Variants in IGF1R observed in about 807,000 individuals in gnomAD.
IGF1R encodes the protein insulin-like growth factor 1 receptor.
In IGF1R, 44 loss-of-function variants were observed where a neutral mutation model predicts 144.6. The observed-to-expected ratio is 0.30, with a 90% CI of 0.24 to 0.39. The LOEUF is 0.39. Ranked by LOEUF, IGF1R falls within the 10% of genes least tolerant of loss-of-function variation. The probability of loss-of-function intolerance (pLI) is 1.00; values close to 1 mark genes in which losing one functional copy is unlikely to be tolerated. For synonymous variants in IGF1R, 795 were observed against 722.8 expected, an observed-to-expected ratio of 1.10 and a Z score of -1.60; for missense variants, 1,355 against 1,833.7, an observed-to-expected ratio of 0.74 and a Z score of 4.77.
chr15:98,933,975 G>A (rs1047331117), intron 15 of IGF1R, among the ~76,000 whole-genome samples: 2 of 152,086 alleles, frequency 1.3e-5, no homozygotes, highest in Non-Finnish European at 2.9e-5. Flanking sequence ...TCTAGTAGCC[G>A]TATTTTTTAA....
At chr15:98,653,619 T>C (rs2052420482) in intron 1 of IGF1R, among the ~76,000 whole-genome samples, 1 of 152,172 alleles carries the variant, frequency 6.6e-6, no homozygotes, top group Non-Finnish European at 1.5e-5. Flanking sequence ...GAACGAAAGG[T>C]TTTAAAATGT....
At chr15:98,695,127 A>G (rs779597571) in intron 1 of IGF1R, among the ~76,000 whole-genome samples, 4 of 152,204 alleles carry the variant, frequency 2.6e-5, no homozygotes, top group Admixed American at 6.5e-5. Context: ...ATTCTGCAGT[A>G]TAGTTAACTC....
intron 1 of IGF1R, among the ~76,000 whole-genome samples, chr15:98,653,693 G>A (rs765706247): frequency 6.6e-6 from 1 of 152,198 alleles, no homozygotes; most frequent in Non-Finnish European, 1.5e-5. Context: ...CCTTTCAATA[G>A]GAAAAGACCT....
intron 2 of IGF1R, among the ~76,000 whole-genome samples, chr15:98,760,107 C>T (rs775163124): frequency 4.0e-5 from 6 of 151,718 alleles, no homozygotes; most frequent in South Asian, 2.1e-4. Flanking sequence ...TGGGAGGCCA[C>T]GGTGAGTGGA....
rs768572594 is a variant in IGF1R, at chr15:98,713,476, G to A, written c.640+5369G>A. 1.1e-3 allele frequency among the ~76,000 whole-genome samples: 167 copies of A among 152,278 alleles called. 1 individual carries two copies. Among genetic ancestry groups the A allele is most frequent in the Middle Eastern group, 3.4e-3 (1 of 294 alleles). On this transcript the variant is annotated intron_variant, in intron 2 of 20. Coordinates refer to ENST00000650285, the MANE Select transcript of IGF1R (RefSeq NM_000875.5). ...TCTGCAACTCTTAGTTGGCAGAGAG[G>A]ACCACTATGGCGGGTAGCTCTTTTC...
chr15:98,904,924 G>T (rs911554193), intron 5 of IGF1R, among the ~76,000 whole-genome samples: 2 of 152,156 alleles, frequency 1.3e-5, no homozygotes, highest in African/African-American at 4.8e-5. Context: ...CTTTTGTGGG[G>T]TGATTAAAAG....
chr15:98,914,621 A>T (rs1445614982), intron 8 of IGF1R, among the ~76,000 whole-genome samples: 3 of 152,084 alleles, frequency 2.0e-5, no homozygotes, highest in African/African-American at 7.2e-5. Context: ...TTTGGAAGTA[A>T]CCCCTGGCCA....
In IGF1R at chr15:98,806,492, A is replaced by G. The variant is rs765288393; in HGVS notation, c.641-84833A>G. 7.2e-5 allele frequency among the ~76,000 whole-genome samples: 11 copies of G among 152,296 alleles called. No individual in the cohort carries two copies. The Middle Eastern group carries it at 0.017, about 235-fold the overall frequency. ...CCTTTTCAACTATTTCTTGATTAAAAAAAAAAAACAAAAAACTGTTGAATA... is the reference window on the plus strand; with the variant it reads ...CCTTTTCAACTATTTCTTGATTAAAGAAAAAAAACAAAAAACTGTTGAATA... On this transcript the variant is annotated intron_variant, in intron 2 of 20. Coordinates refer to ENST00000650285, the MANE Select transcript of IGF1R (RefSeq NM_000875.5).
At chr15:98,816,166 C>G (rs753232996) in intron 2 of IGF1R, among the ~76,000 whole-genome samples, 15 of 152,160 alleles carry the variant, frequency 9.9e-5, no homozygotes, top group Non-Finnish European at 1.3e-4. Context: ...TCACAGTGGC[C>G]CTAATCATGG....
chr15:98,808,947 A>G (rs1344726324), intron 2 of IGF1R, among the ~76,000 whole-genome samples: 2 of 152,178 alleles, frequency 1.3e-5, no homozygotes, highest in Non-Finnish European at 2.9e-5. Context: ...TCAGCCTCCC[A>G]AAGTGCTGGG....
chr15:98,722,136 G>A (rs924664749), intron 2 of IGF1R, among the ~76,000 whole-genome samples: 1 of 152,168 alleles, frequency 6.6e-6, no homozygotes, highest in South Asian at 2.1e-4. Flanking sequence ...TCTCATGCTA[G>A]GCAGTATGAG....
intron 5 of IGF1R, among the ~76,000 whole-genome samples, chr15:98,904,958 G>A (rs902900390): frequency 6.6e-6 from 1 of 152,168 alleles, no homozygotes; most frequent in African/African-American, 2.4e-5. Context: ...TTTATGTTTA[G>A]CCCATCCAAT....
At chr15:98,658,500 T>C (rs751866347) in intron 1 of IGF1R, among the ~76,000 whole-genome samples, 61 of 152,206 alleles carry the variant, frequency 4.0e-4, no homozygotes, top group Non-Finnish European at 8.1e-4. Context: ...AGAAAAATTG[T>C]GAGGAAATAG....
intron 2 of IGF1R, among the ~76,000 whole-genome samples, chr15:98,773,338 C>T (rs551376670): frequency 1.3e-5 from 2 of 152,182 alleles, no homozygotes; most frequent in Admixed American, 6.5e-5. Flanking sequence ...CAAAAACTCC[C>T]GTAATTAATG....
chr15:98,669,954 C>A (rs962674513), intron 1 of IGF1R, among the ~76,000 whole-genome samples: 1 of 152,118 alleles, frequency 6.6e-6, no homozygotes. Flanking sequence ...ACTGGTGTTG[C>A]TTTTACTCTA....
At chr15:98,943,944 G>A (rs2016458679) in intron 19 of IGF1R, among the ~76,000 whole-genome samples, 1 of 152,136 alleles carries the variant, frequency 6.6e-6, no homozygotes, top group Non-Finnish European at 1.5e-5. Context: ...TTTGAAGACA[G>A]GTGCAAATTG....
At chr15:98,771,390 G>C (rs1427951842) in intron 2 of IGF1R, among the ~76,000 whole-genome samples, 1 of 152,084 alleles carries the variant, frequency 6.6e-6, no homozygotes, top group African/African-American at 2.4e-5. Flanking sequence ...CTTCCTCACT[G>C]CCGTTTCATA....
intron 19 of IGF1R, 126 bp downstream of exon 19, chr15:98,943,178 G>A (rs2016429090): frequency 9.3e-7 from 1 of 1,075,686 alleles, no homozygotes. Flanking sequence ...GCTCAGTGTT[G>A]TGTGAGCCAC....
At chr15:98,901,726 C>A (rs1215939883) in intron 5 of IGF1R, among the ~76,000 whole-genome samples, 1 of 152,144 alleles carries the variant, frequency 6.6e-6, no homozygotes, top group Non-Finnish European at 1.5e-5. Flanking sequence ...GAGCCAGATA[C>A]CTGAGAAGAT....
Sources: allele counts gnomAD v4.1 joint callset (sites outside exome capture counted in the v4.1 genomes callset), GRCh38; gene constraint gnomAD v4.1.1; transcripts MANE v1.5; gene names NCBI Gene and HGNC (gene_info 2026-07-23, HGNC 2026-07-21).